The following VEPH1 variants were observed in gnomAD, a reference collection of about 807,000 sequenced individuals.
VEPH1 encodes ventricular zone-expressed PH domain-containing protein homolog 1.
A neutral mutation model predicts 85.2 loss-of-function variants in VEPH1; 80 were observed. The observed-to-expected ratio is 0.94, with a 90% confidence interval of 0.78 to 1.13. VEPH1 has a LOEUF of 1.13. Among genes scored for constraint, VEPH1 ranks in the 50% most tolerant of loss-of-function variants. The probability of loss-of-function intolerance (pLI) is 0.00; values close to 1 mark genes in which losing one functional copy is unlikely to be tolerated. For missense variants in VEPH1, 955 were observed against 980.5 expected (o/e 0.97, Z 0.35); for synonymous variants, 297 against 348.0 (o/e 0.85, Z 1.63).
At chr3:157,430,158 C>A (rs545248380) in intron 4 of VEPH1, among the ~76,000 whole-genome samples, 21 of 152,136 alleles carry the variant, frequency 1.4e-4, no homozygotes, top group Non-Finnish European at 2.4e-4. Context: ...ATGATAATTG[C>A]TTTTCATCCC....
intron 11 of VEPH1, among the ~76,000 whole-genome samples, chr3:157,293,203 G>T (rs966403596): frequency 6.6e-6 from 1 of 152,126 alleles, no homozygotes; most frequent in African/African-American, 2.4e-5. Context: ...GGTAGGCCAT[G>T]GGGGAGCAGA....
intron 9 of VEPH1, among the ~76,000 whole-genome samples, chr3:157,335,617 A>G (rs186650209): frequency 2.6e-5 from 4 of 152,348 alleles, no homozygotes; most frequent in African/African-American, 9.6e-5. Context: ...CTTTGAATAC[A>G]GCATATAGGA....
chr3:157,288,689 G>A (rs1296820556), intron 11 of VEPH1, among the ~76,000 whole-genome samples: 1 of 152,214 alleles, frequency 6.6e-6, no homozygotes, highest in Non-Finnish European at 1.5e-5. Context: ...CAGATATTTT[G>A]TCTGTTGTGT....
chr3:157,292,501 G>T (rs572555386), intron 11 of VEPH1, among the ~76,000 whole-genome samples: 1 of 152,060 alleles, frequency 6.6e-6, no homozygotes, highest in East Asian at 1.9e-4. Flanking sequence ...AGACCAGCCT[G>T]GCCAGCCCGG....
chr3:157,327,824 A>G (rs1186613622), intron 9 of VEPH1, among the ~76,000 whole-genome samples: 1 of 152,166 alleles, frequency 6.6e-6, no homozygotes, highest in Non-Finnish European at 1.5e-5. Flanking sequence ...CCATTAACCT[A>G]TTCAAATCAG....
chr3:157,336,522 T>C (rs776532847), intron 9 of VEPH1, among the ~76,000 whole-genome samples: 1 of 152,218 alleles, frequency 6.6e-6, no homozygotes, highest in South Asian at 2.1e-4. Flanking sequence ...CTGCCCAACA[T>C]TGTGTTGATT....
intron 5 of VEPH1, among the ~76,000 whole-genome samples, chr3:157,422,939 C>A (rs1455899010): frequency 6.6e-6 from 1 of 152,132 alleles, no homozygotes; most frequent in Non-Finnish European, 1.5e-5. Flanking sequence ...AAAAAGATAA[C>A]AACTGGTGAG....
chr3:157,315,834 A>C (rs1014501458), intron 10 of VEPH1: 6 of 152,036 alleles, frequency 3.9e-5, no homozygotes, highest in Non-Finnish European at 7.4e-5. Context: ...GTTTAGAACA[A>C]AGCCAAAGAT....
At chr3:157,375,770 T>C (rs962889997) in intron 7 of VEPH1, among the ~76,000 whole-genome samples, 1 of 152,220 alleles carries the variant, frequency 6.6e-6, no homozygotes, top group Non-Finnish European at 1.5e-5. Flanking sequence ...TTGACTATAA[T>C]TTCGCTTTCA....
At chr3:157,279,391 G>A (rs1445847799) in intron 12 of VEPH1, among the ~76,000 whole-genome samples, 4 of 152,198 alleles carry the variant, frequency 2.6e-5, no homozygotes, top group African/African-American at 9.7e-5. Context: ...GGTTGTTAAT[G>A]ACTACAGAGA....
intron 12 of VEPH1, among the ~76,000 whole-genome samples, chr3:157,283,969 C>T (rs373546788): frequency 1.3e-5 from 2 of 152,290 alleles, no homozygotes; most frequent in Non-Finnish European, 1.5e-5. Context: ...CAGACCAGTA[C>T]ATAGTACTCA....
intron 7 of VEPH1, among the ~76,000 whole-genome samples, chr3:157,370,253 G>A (rs1500916): frequency 2.6e-5 from 4 of 152,138 alleles, no homozygotes; most frequent in Admixed American, 1.3e-4. Flanking sequence ...CTCACTAAGC[G>A]GGGAGATGAG....
At chr3:157,422,560 C>T (rs545776828) in intron 5 of VEPH1, among the ~76,000 whole-genome samples, 11 of 152,242 alleles carry the variant, frequency 7.2e-5, no homozygotes, top group African/African-American at 2.4e-4. Flanking sequence ...GGAAGCTGCC[C>T]AGTTATTTCC....
rs1410730926 is a variant in VEPH1 at position 157,384,382 on chromosome 3, T to C, written c.907-3006A>G. 2.0e-5 allele frequency among the ~76,000 whole-genome samples: 3 copies of C among 152,236 alleles called. No homozygotes were observed. In the East Asian group the frequency reaches 5.8e-4, roughly 29 times the overall value. On this transcript the variant is annotated intron_variant, in intron 6 of 13. Coordinates refer to ENST00000362010, the MANE Select transcript of VEPH1 (RefSeq NM_001167912.2). The stretch of plus-strand genomic sequence containing the variant: ...ATATGCTGTTTGTCCTACTAAGATG[T>C]AATTTAAAATTTGAGGTAACTTCCT...
chr3:157,280,821 T>C (rs1158030905), intron 12 of VEPH1, among the ~76,000 whole-genome samples: 2 of 152,250 alleles, frequency 1.3e-5, no homozygotes, highest in Admixed American at 1.3e-4. Flanking sequence ...CCATGGGTAT[T>C]CTATCACTTA....
chr3:157,324,392 G>A (rs745892105), intron 9 of VEPH1, among the ~76,000 whole-genome samples: 1 of 152,056 alleles, frequency 6.6e-6, no homozygotes, highest in Non-Finnish European at 1.5e-5. Flanking sequence ...AGGATGTGCA[G>A]ATTTGTTACA....
intron 2 of VEPH1, among the ~76,000 whole-genome samples, chr3:157,476,085 T>C (rs1443309614): frequency 2.0e-5 from 3 of 152,218 alleles, no homozygotes; most frequent in Non-Finnish European, 2.9e-5. Flanking sequence ...CTGTCATCAG[T>C]CACTCCAGTG....
intron 11 of VEPH1, among the ~76,000 whole-genome samples, chr3:157,295,892 T>C (rs919130576): frequency 6.6e-6 from 1 of 152,100 alleles, no homozygotes. Context: ...GAGGCAGACG[T>C]TGCAGTGAGC....
intron 10 of VEPH1, chr3:157,315,985 A>G (rs1463694845): frequency 1.3e-5 from 2 of 152,114 alleles, no homozygotes; most frequent in African/African-American, 2.4e-5. Context: ...TCACACCAAA[A>G]TGTGAGTTGT....
Sources: allele counts gnomAD v4.1 joint callset (sites outside exome capture counted in the v4.1 genomes callset), GRCh38; gene constraint gnomAD v4.1.1; transcripts MANE v1.5; gene names NCBI Gene and HGNC (gene_info 2026-07-23, HGNC 2026-07-21).